Variants in AOAH observed in about 807,000 individuals in gnomAD.
AOAH encodes acyloxyacyl hydrolase.
A neutral mutation model predicts 92.2 loss-of-function variants in AOAH; 64 were observed. The observed-to-expected ratio is 0.69, with a 90% CI of 0.57 to 0.86. AOAH has a LOEUF of 0.86. Among genes scored for constraint, AOAH ranks in the 40% least tolerant of loss-of-function variants. The pLI, the probability that AOAH is intolerant of heterozygous loss-of-function variation, is 0.00. For missense variants in AOAH, 656 were observed against 694.6 expected (o/e 0.94, Z 0.62); for synonymous variants, 263 against 254.5 (o/e 1.03, Z -0.32).
chr7:36,590,421 A>G (rs1381967230), intron 12 of AOAH, among the ~76,000 whole-genome samples: 3 of 152,180 alleles, frequency 2.0e-5, no homozygotes, highest in African/African-American at 7.2e-5. Flanking sequence ...CCAAGAGTCA[A>G]GAAAACAGTT....
intron 6 of AOAH, among the ~76,000 whole-genome samples, chr7:36,623,815 G>C (rs1401928148): frequency 6.6e-6 from 1 of 152,148 alleles, no homozygotes; most frequent in Non-Finnish European, 1.5e-5. Context: ...TTCCCCTGTG[G>C]AATCCTCACC....
rs368697486 is a variant in AOAH, at chr7:36,542,172, T to C, written c.1134-1681A>G. Among the ~76,000 whole-genome samples, 24 of 152,248 alleles carry C rather than the reference T, an allele frequency of 1.6e-4. No homozygotes were observed. In the South Asian group the frequency reaches 4.4e-3, roughly 28 times the overall value. On this transcript the variant is annotated intron_variant, in intron 15 of 20. Coordinates refer to ENST00000617537, the MANE Select transcript of AOAH (RefSeq NM_001637.4). ...CAGACATACACCAGGAGGAAGGCCA[T>C]GTGAAGACAGAAGCAGACACTGGGG...
chr7:36,650,330 C>T (rs935247987), intron 4 of AOAH, among the ~76,000 whole-genome samples: 1 of 152,070 alleles, frequency 6.6e-6, no homozygotes, highest in Non-Finnish European at 1.5e-5. Flanking sequence ...GACTGGAAAC[C>T]CAATAGCTGA....
intron 6 of AOAH, among the ~76,000 whole-genome samples, chr7:36,628,440 G>A (rs780259286): frequency 1.3e-5 from 2 of 152,108 alleles, no homozygotes; most frequent in Non-Finnish European, 2.9e-5. Flanking sequence ...GTAAAGTGGT[G>A]CTTTTCCTTC....
At chr7:36,638,311 C>T (rs1793663205) in intron 4 of AOAH, among the ~76,000 whole-genome samples, 1 of 152,152 alleles carries the variant, frequency 6.6e-6, no homozygotes, top group Non-Finnish European at 1.5e-5. Context: ...GTCTAAAACC[C>T]CCCAGCAGGA....
intron 13 of AOAH, among the ~76,000 whole-genome samples, chr7:36,554,604 T>C (rs543873118): frequency 9.4e-4 from 143 of 152,340 alleles, no homozygotes; most frequent in African/African-American, 3.2e-3. Context: ...TATTGATTCT[T>C]CCTACCCATG....
chr7:36,601,907 A>G (rs1398143875), intron 11 of AOAH, among the ~76,000 whole-genome samples: 1 of 152,232 alleles, frequency 6.6e-6, no homozygotes, highest in Non-Finnish European at 1.5e-5. Flanking sequence ...AAAGGAGACC[A>G]ACAAACACCA....
chr7:36,661,674 T>C (rs575762529), intron 3 of AOAH, among the ~76,000 whole-genome samples: 192 of 152,322 alleles, frequency 1.3e-3, no homozygotes, highest in Non-Finnish European at 2.2e-3. Context: ...TATCTTGTGA[T>C]TGAAAGCAGT....
chr7:36,707,035 C>A (rs1373359033), intron 1 of AOAH, among the ~76,000 whole-genome samples: 1 of 117,002 alleles, frequency 8.5e-6, no homozygotes, highest in Middle Eastern at 3.7e-3. Context: ...CAATAACTTT[C>A]TCTTTTCTTT....
intron 11 of AOAH, among the ~76,000 whole-genome samples, chr7:36,607,968 C>G (rs1381011367): frequency 6.6e-6 from 1 of 152,188 alleles, no homozygotes; most frequent in Non-Finnish European, 1.5e-5. Context: ...CTCCACTAGT[C>G]ACTTAAGTTT....
At chr7:36,593,895 A>G (rs181532381) in intron 12 of AOAH, among the ~76,000 whole-genome samples, 214 of 152,288 alleles carry the variant, frequency 1.4e-3, no homozygotes, top group African/African-American at 3.7e-3. Flanking sequence ...ATATGTAGTG[A>G]ATTGGGTTTG....
In AOAH at chr7:36,532,053, T is replaced by C. The variant is rs1248066879; in HGVS notation, c.1425+94A>G. 63 of 1,460,896 alleles carry C rather than the reference T, an allele frequency of 4.3e-5. 1 individual carries two copies. Among genetic ancestry groups the C allele is most frequent in the South Asian group, 2.9e-4 (25 of 87,682 alleles). 90.5% of individuals were successfully genotyped at this position (1,460,896 alleles called of 1,614,324 possible). On this transcript the variant is annotated intron_variant, in intron 18 of 20. Transcript: ENST00000617537. ...GTTATTCACCAGCTTGGAGACCATCTGCCTGCCAGGATCCCATCCCCAGTG... is the reference window on the plus strand; with the variant it reads ...GTTATTCACCAGCTTGGAGACCATCCGCCTGCCAGGATCCCATCCCCAGTG...
intron 19 of AOAH, among the ~76,000 whole-genome samples, chr7:36,524,040 T>A (rs1300315844): frequency 1.3e-5 from 2 of 152,028 alleles, no homozygotes; most frequent in Non-Finnish European, 2.9e-5. Flanking sequence ...AGCCTCCCCA[T>A]CCCCTCCGTG....
At chr7:36,693,920 G>T (rs959332030) in intron 1 of AOAH, among the ~76,000 whole-genome samples, 1 of 152,060 alleles carries the variant, frequency 6.6e-6, no homozygotes, top group Non-Finnish European at 1.5e-5. Flanking sequence ...AGAATTGAAG[G>T]ACCTTTGATA....
intron 13 of AOAH, among the ~76,000 whole-genome samples, chr7:36,555,628 G>T (rs1370399280): frequency 6.6e-6 from 1 of 151,944 alleles, no homozygotes; most frequent in Admixed American, 6.6e-5. Context: ...ACTCTTTTTG[G>T]TTGGTAAGCT....
At chr7:36,520,477 G>A (rs12537801) in intron 20 of AOAH, among the ~76,000 whole-genome samples, 109,289 of 152,152 alleles carry the variant, frequency 0.72, 44,844 homozygotes, top group Non-Finnish European at 0.91. Context: ...AGGCTGAGGC[G>A]GGCAGCTCAC....
chr7:36,700,704 G>A (rs1797979804), intron 1 of AOAH, among the ~76,000 whole-genome samples: 1 of 152,008 alleles, frequency 6.6e-6, no homozygotes. Flanking sequence ...ATGCCCAGTA[G>A]TGGGATTGAT....
chr7:36,563,786 TA>T (rs1257619902), intron 13 of AOAH, among the ~76,000 whole-genome samples: 3 of 152,206 alleles, frequency 2.0e-5, no homozygotes, highest in African/African-American at 4.8e-5. Flanking sequence ...TACAATCCAT[TA>T]AAAAAATCCA....
chr7:36,566,799 T>A (rs1444956897), intron 13 of AOAH, among the ~76,000 whole-genome samples: 3 of 152,156 alleles, frequency 2.0e-5, no homozygotes, highest in African/African-American at 7.2e-5. Flanking sequence ...CACGTAAGCA[T>A]GCGTGTAACT....
Sources: allele counts gnomAD v4.1 joint callset (sites outside exome capture counted in the v4.1 genomes callset), GRCh38; gene constraint gnomAD v4.1.1; transcripts MANE v1.5; gene names NCBI Gene and HGNC (gene_info 2026-07-23, HGNC 2026-07-21).